Variants in ANK2 observed in about 807,000 individuals in gnomAD.
ANK2 encodes ankyrin-2.
Under a neutral mutation model 360.5 loss-of-function variants are expected in ANK2, and 83 were observed. The observed-to-expected ratio is 0.23, with a 90% CI of 0.19 to 0.28. The LOEUF is 0.28. ANK2 is among the 10% of genes least tolerant of loss of function. The pLI is 1.00. For synonymous variants in ANK2, 1,740 were observed against 1,759.5 expected (o/e 0.99, Z 0.28); for missense variants, 4,201 against 4,795.7 (o/e 0.88, Z 3.66).
At chr4:113,176,242 G>A (rs866139692) in intron 2 of ANK2, among the ~76,000 whole-genome samples, 3 of 152,148 alleles carry the variant, frequency 2.0e-5, no homozygotes, top group African/African-American at 4.8e-5. Context: ...GAATTACAAC[G>A]TCCTTTGTTT....
At position 113,141,670 on chromosome 4, in the gene ANK2, T is replaced by C. The variant is rs370366010; in HGVS notation, c.85-32746T>C. ...TTGTGATCTATCCCTTTAGGTTAAA[T>C]TATAGAACTGAGACAGTTATTTCTT... On this transcript the variant is annotated intron_variant, in intron 1 of 45. Coordinates refer to ENST00000357077, the MANE Select transcript of ANK2 (RefSeq NM_001148.6). Among the ~76,000 whole-genome samples the C allele has an allele frequency of 6.0e-4, 91 of 152,314 alleles. 1 individual carries two copies. The highest frequency in any genetic ancestry group is 1.9e-3 in the African/African-American group (80 of 41,578).
At position 113,255,610 on chromosome 4, in the gene ANK2, A is replaced by G. The variant is rs2048875675; in HGVS notation, c.991-125A>G. On this transcript the variant is annotated intron_variant, in intron 10 of 45. Transcript: ENST00000357077. ...AGTCTGCTGTATATTCTGATGTCAA[A>G]TGGAAATTATTTTTTCCCCTGCCAC... 1.1e-5 allele frequency: 10 copies of G among 918,036 alleles called. No individual in the cohort carries two copies. The Admixed American group carries it at 1.7e-4, about 16-fold the overall frequency. The allele number at this position is 918,036 out of a possible 1,614,324, so 56.9% of individuals were successfully genotyped here.
chr4:112,750,812 C>T, the ANK2 span, among the ~76,000 whole-genome samples: 3 of 151,994 alleles, frequency 2.0e-5, no homozygotes, highest in Non-Finnish European at 4.4e-5. Context: ...ACTGCAACCT[C>T]CACCACCTGG....
At chr4:112,829,491 CA>C (rs60272903) in intron 1 of ANK2, among the ~76,000 whole-genome samples, 168 of 60,730 alleles carry the variant, frequency 2.8e-3, no homozygotes, top group African/African-American at 0.011. Flanking sequence ...CCCATCTCTA[CA>C]AAAAAAAAAA....
Position 113,354,802 on chromosome 4 carries a change from G to A in ANK2, c.6184G>A (p.Ala2062Thr). 1 of 1,614,126 alleles carries A rather than the reference G, an allele frequency of 6.2e-7. No individual in the cohort carries two copies. The highest frequency in any genetic ancestry group is 8.5e-7 in the Non-Finnish European group (1 of 1,179,992). ...RGQRLPVTGT[A>T]ESKRGVRVSS... ...CCAGAGACTCCCGGTAACGGGCACA[G>A]CAGAATCCAAAAGAGGAGTTCGTGT... The change falls in exon 38 of 46, where the codon GCA becomes ACA. Residue 2062 changes from alanine (A) to threonine (T), a missense_variant. This residue lies in a region of ANK2 where 2,642 missense variants were observed against 2,714.5 expected (regional missense o/e 0.97). Coordinates refer to ENST00000357077, the MANE Select transcript of ANK2 (RefSeq NM_001148.6).
At chr4:113,222,391 ATT>A (rs397880062) in intron 4 of ANK2, among the ~76,000 whole-genome samples, 2,073 of 122,446 alleles carry the variant, frequency 0.017, 43 homozygotes, top group African/African-American at 0.058. Flanking sequence ...CTCTGAAACA[ATT>A]TTTTTTTTTT....
intron 2 of ANK2, chr4:112,979,918 C>G (rs2042592430): frequency 6.6e-6 from 1 of 152,150 alleles, no homozygotes; most frequent in African/African-American, 2.4e-5. Context: ...CAGATTCTGT[C>G]TGGAACTGGT....
chr4:112,907,391 T>G (rs534203682), intron 2 of ANK2, among the ~76,000 whole-genome samples: 3 of 152,328 alleles, frequency 2.0e-5, no homozygotes, highest in African/African-American at 7.2e-5. Context: ...CTTTGTTAGC[T>G]GCAAAACCAT....
chr4:112,944,512 C>T (rs536477621), intron 2 of ANK2, among the ~76,000 whole-genome samples: 2 of 152,148 alleles, frequency 1.3e-5, no homozygotes, highest in East Asian at 1.9e-4. Flanking sequence ...AAAAGATATC[C>T]GTAACTCCAA....
At chr4:112,764,730 G>T in the ANK2 span, among the ~76,000 whole-genome samples, 1 of 143,114 alleles carries the variant, frequency 7.0e-6, no homozygotes, top group Non-Finnish European at 1.5e-5. Flanking sequence ...TTTTTGAGAC[G>T]GAGTTTCATT....
the ANK2 span, among the ~76,000 whole-genome samples, chr4:112,804,313 C>T: frequency 6.6e-6 from 1 of 152,164 alleles, no homozygotes; most frequent in African/African-American, 2.4e-5. Context: ...AGCCACCGTG[C>T]CCGGCCAATC....
chr4:113,336,200 C>T, intron 30 of ANK2, 143 bp downstream of exon 30: 1 of 880,686 alleles, frequency 1.1e-6, no homozygotes, highest in Non-Finnish European at 1.7e-6. Context: ...AGTCAAAATC[C>T]ATATTTATTG....
chr4:113,253,040 G>A (rs988809263), intron 10 of ANK2, among the ~76,000 whole-genome samples: 2 of 152,096 alleles, frequency 1.3e-5, no homozygotes, highest in African/African-American at 4.8e-5. Flanking sequence ...GAGAATTCAA[G>A]CAATTGGAAG....
the ANK2 span, among the ~76,000 whole-genome samples, chr4:112,799,858 A>G: frequency 2.7e-5 from 4 of 149,276 alleles, no homozygotes; most frequent in Non-Finnish European, 4.4e-5. Flanking sequence ...TAATGACTAA[A>G]ATGTGTAAAG....
chr4:113,074,940 T>C (rs998669090), intron 1 of ANK2, among the ~76,000 whole-genome samples: 5 of 152,342 alleles, frequency 3.3e-5, no homozygotes, highest in Admixed American at 6.5e-5. Context: ...ATATGTTTAA[T>C]ATATGGCAAA....
At chr4:113,189,708 C>T (rs982973262) in intron 2 of ANK2, among the ~76,000 whole-genome samples, 2 of 152,162 alleles carry the variant, frequency 1.3e-5, no homozygotes, top group African/African-American at 2.4e-5. Flanking sequence ...TCCTTTCCTT[C>T]GAGGTCCTGC....
chr4:112,846,917 T>C (rs72908841), intron 1 of ANK2, among the ~76,000 whole-genome samples: 3,870 of 152,268 alleles, frequency 0.025, 149 homozygotes, highest in African/African-American at 0.087. Flanking sequence ...ACCATGTCTG[T>C]GTTCCAATAT....
the ANK2 span, among the ~76,000 whole-genome samples, chr4:112,786,502 T>C: frequency 2.6e-3 from 399 of 151,214 alleles, 2 homozygotes; most frequent in African/African-American, 8.5e-3. Context: ...GTTTAAGTGA[T>C]TCTCCTGCCT....
intron 1 of ANK2, among the ~76,000 whole-genome samples, chr4:113,139,941 T>C (rs932787916): frequency 3.9e-5 from 6 of 152,208 alleles, no homozygotes; most frequent in African/African-American, 1.4e-4. Context: ...GTGTAAAGCA[T>C]AAACAGTAAA....
Sources: gnomAD v4.1 joint callset for allele counts (sites outside exome capture counted in the v4.1 genomes callset) on GRCh38, gnomAD v4.1.1 for gene constraint, gnomAD v4.1.1 regional missense constraint, MANE v1.5 for transcripts, NCBI Gene and HGNC (gene_info 2026-07-23, HGNC 2026-07-21) for gene names.